The following CLDN10 variants were observed in gnomAD, a reference collection of about 807,000 sequenced individuals.
CLDN10 encodes claudin-10.
Under a neutral mutation model 22.9 loss-of-function variants are expected in CLDN10, and 15 were observed. That is an observed-to-expected ratio of 0.65 (90% confidence interval 0.44 to 1.01). CLDN10 has a LOEUF of 1.01. CLDN10 is among the 50% of genes least tolerant of loss of function. The pLI is 0.00. For missense variants in CLDN10, 247 were observed against 287.8 expected (o/e 0.86, Z 1.03); for synonymous variants, 114 against 111.4 (o/e 1.02, Z -0.15).
chr13:95,512,146 GT>G (rs2043109986), intron 1 of CLDN10, among the ~76,000 whole-genome samples: 1 of 21,810 alleles, frequency 4.6e-5, no homozygotes, highest in Non-Finnish European at 1.1e-4. Flanking sequence ...TTGTTTGTTT[GT>G]GTTCTGTTTG....
chr13:95,469,237 T>C (rs897532668), intron 1 of CLDN10, among the ~76,000 whole-genome samples: 3 of 152,140 alleles, frequency 2.0e-5, no homozygotes, highest in Admixed American at 2.0e-4. Context: ...ATCCAGGTAT[T>C]TTAGCCAACT....
In CLDN10 at chr13:95,552,762, C is replaced by A. The variant is rs760775984; in HGVS notation, c.9C>A (p.Ser3Arg). The change falls in exon 1 of 5, where the codon AGC becomes AGA. Residue 3 changes from serine (S) to arginine (R), a missense_variant. Coordinates refer to ENST00000299339, the MANE Select transcript of CLDN10 (RefSeq NM_006984.5). ...CGGCTGCAGCCGGCGGCATGGCTAG[C>A]ACGGCTTCGGAGATCATCGCCTTCA... MASTASEIIAFMV... is the reference protein window; with the variant it reads MARTASEIIAFMV... 1 of 1,611,458 alleles carries A rather than the reference C, an allele frequency of 6.2e-7. No individual in the cohort carries two copies.
chr13:95,509,603 A>T (rs1052843309), intron 1 of CLDN10, among the ~76,000 whole-genome samples: 1 of 152,226 alleles, frequency 6.6e-6, no homozygotes, highest in Non-Finnish European at 1.5e-5. Flanking sequence ...TAAAAATGTT[A>T]GGTGTCAGAC....
chr13:95,448,452 A>G (rs536678835), intron 1 of CLDN10, among the ~76,000 whole-genome samples: 2 of 152,202 alleles, frequency 1.3e-5, no homozygotes, highest in Non-Finnish European at 2.9e-5. Flanking sequence ...CCTTGCAGAC[A>G]CCTCATACAT....
At chr13:95,520,800 G>A (rs2043216763) in intron 1 of CLDN10, among the ~76,000 whole-genome samples, 1 of 152,088 alleles carries the variant, frequency 6.6e-6, no homozygotes, top group Non-Finnish European at 1.5e-5. Context: ...CGCCAACATA[G>A]TGAACCCCAT....
At chr13:95,473,934 A>G (rs2042660341) in intron 1 of CLDN10, among the ~76,000 whole-genome samples, 1 of 152,252 alleles carries the variant, frequency 6.6e-6, no homozygotes, top group South Asian at 2.1e-4. Flanking sequence ...ATGTAATGCA[A>G]TAGAACAGCG....
chr13:95,566,144 A>T (rs1191849356), intron 3 of CLDN10, among the ~76,000 whole-genome samples: 2 of 152,206 alleles, frequency 1.3e-5, no homozygotes, highest in Admixed American at 6.5e-5. Context: ...TATACCCAGT[A>T]ATGGGATCAC....
intron 1 of CLDN10, among the ~76,000 whole-genome samples, chr13:95,439,241 T>C (rs2042301371): frequency 6.6e-6 from 1 of 152,134 alleles, no homozygotes; most frequent in Non-Finnish European, 1.5e-5. Context: ...ATCGAGACAC[T>C]GGCAGATTCA....
intron 1 of CLDN10, among the ~76,000 whole-genome samples, chr13:95,465,101 G>A (rs2042571488): frequency 6.6e-6 from 1 of 152,154 alleles, no homozygotes; most frequent in Admixed American, 6.5e-5. Flanking sequence ...GACTGGGGAG[G>A]CCTCACAATC....
At chr13:95,517,136 C>T (rs1198223700) in intron 1 of CLDN10, among the ~76,000 whole-genome samples, 1 of 150,414 alleles carries the variant, frequency 6.6e-6, no homozygotes, top group East Asian at 1.9e-4. Flanking sequence ...CTTTCTCTCC[C>T]TTCCTCCCTT....
At chr13:95,537,346 C>T (rs2043411329) in intron 1 of CLDN10, among the ~76,000 whole-genome samples, 1 of 152,044 alleles carries the variant, frequency 6.6e-6, no homozygotes, top group Non-Finnish European at 1.5e-5. Context: ...AATGAATACC[C>T]AGTATGCACG....
intron 1 of CLDN10, among the ~76,000 whole-genome samples, chr13:95,447,331 C>A (rs989386718): frequency 6.6e-6 from 1 of 152,178 alleles, no homozygotes; most frequent in Admixed American, 6.5e-5. Context: ...CTGCAGTGGC[C>A]GAGGTCCTTC....
At chr13:95,520,363 A>C (rs1481691413) in intron 1 of CLDN10, among the ~76,000 whole-genome samples, 1 of 152,056 alleles carries the variant, frequency 6.6e-6, no homozygotes, top group Non-Finnish European at 1.5e-5. Flanking sequence ...GATGGAAAAA[A>C]GTTCCCATTT....
At chr13:95,559,837 C>T (rs1023048024) in intron 1 of CLDN10, among the ~76,000 whole-genome samples, 1 of 152,154 alleles carries the variant, frequency 6.6e-6, no homozygotes, top group African/African-American at 2.4e-5. Flanking sequence ...TTCTAACTCA[C>T]CTCTGGTAAG....
chr13:95,461,849 T>C (rs930474299), intron 1 of CLDN10, among the ~76,000 whole-genome samples: 1 of 152,132 alleles, frequency 6.6e-6, no homozygotes, highest in Non-Finnish European at 1.5e-5. Flanking sequence ...CCTAATACTT[T>C]GGGAGGCCAA....
At chr13:95,560,011 G>A (rs1007848680) in intron 1 of CLDN10, 121 bp from the exon 2 acceptor site, 1 of 960,026 alleles carries the variant, frequency 1.0e-6, no homozygotes, top group African/African-American at 1.6e-5. Context: ...CTTGCCACAT[G>A]TTTTCACCAT....
intron 1 of CLDN10, among the ~76,000 whole-genome samples, chr13:95,441,916 C>A (rs1337404395): frequency 2.0e-5 from 3 of 152,212 alleles, no homozygotes; most frequent in Non-Finnish European, 4.4e-5. Flanking sequence ...CTTTGGGAGA[C>A]AAGCCAGGTG....
intron 1 of CLDN10, among the ~76,000 whole-genome samples, chr13:95,443,401 G>C (rs917076507): frequency 4.6e-5 from 7 of 152,206 alleles, no homozygotes; most frequent in African/African-American, 1.7e-4. Flanking sequence ...ATGAACTGGG[G>C]ATTTGTTTTA....
At position 95,552,761 on chromosome 13, in the gene CLDN10, G is replaced by T; in HGVS notation, c.8G>T (p.Ser3Ile). 1 of 1,611,524 alleles carries T rather than the reference G, an allele frequency of 6.2e-7. No individual in the cohort carries two copies. Among genetic ancestry groups the T allele is most frequent in the Non-Finnish European group, 8.5e-7 (1 of 1,179,510 alleles). Residue 3 changes from serine to isoleucine, a missense_variant, in exon 1 of 5, where the codon AGC (serine) becomes ATC (isoleucine). Physicochemically the swap from Ser to Ile is moderately radical, Grantham distance 142. Transcript: ENST00000299339. ...GCGGCTGCAGCCGGCGGCATGGCTA[G>T]CACGGCTTCGGAGATCATCGCCTTC... MA[S>I]TASEIIAFMV...
Sources: gnomAD v4.1 joint callset for allele counts (sites outside exome capture counted in the v4.1 genomes callset) on GRCh38, gnomAD v4.1.1 for gene constraint, MANE v1.5 for transcripts, NCBI Gene and HGNC (gene_info 2026-07-23, HGNC 2026-07-21) for gene names.